The following DMD variants were observed in gnomAD, a reference collection of about 807,000 sequenced individuals.
The protein encoded by DMD is mutant dystrophin.
Under a neutral mutation model 330.1 loss-of-function variants are expected in DMD, and 63 were observed. The observed-to-expected ratio is 0.19, with a 90% CI of 0.16 to 0.24. The LOEUF is 0.24. Ranked by LOEUF, DMD falls within the 10% of genes least tolerant of loss-of-function variation. The pLI is 1.00. For synonymous variants in DMD, 1,223 were observed against 959.8 expected, an observed-to-expected ratio of 1.27 and a Z score of -5.07; for missense variants, 3,344 against 2,684.1, an observed-to-expected ratio of 1.25 and a Z score of -5.43.
chrX:32,844,416 AAAAAAGAAAAGAAAAG>A (rs1437029286), intron 4 of DMD, among the ~76,000 whole-genome samples: 1 of 57,157 alleles, frequency 1.7e-5, no homozygotes, highest in South Asian at 5.2e-4. Context: ...CAAAAAAAAA[AAAAAAGAAAAGAAAAG>A]AAAAGAAAAG....
rs2096370146 is a variant in DMD at position 32,078,637 on chromosome X, C to T, written c.6439-110123G>A. The stretch of plus-strand genomic sequence containing the variant: ...TGTTAACTTGTCTTTACACCAAACA[C>T]TATGCATTAGTGGTACTCCTGCCTA... On this transcript the variant is annotated intron_variant, in intron 44 of 78. Transcript: ENST00000357033. Among the ~76,000 whole-genome samples, 3 of 112,272 alleles carry T rather than the reference C, an allele frequency of 2.7e-5. No homozygotes were observed. The South Asian group carries it at 1.1e-3, about 41-fold the overall frequency.
At chrX:32,047,053 A>C (rs2096069420) in intron 44 of DMD, among the ~76,000 whole-genome samples, 1 of 111,700 alleles carries the variant, frequency 9.0e-6, no homozygotes, top group Admixed American at 9.5e-5. Flanking sequence ...ACAAAATTTC[A>C]AGCAGGAACC....
At chrX:33,137,922 C>T (rs1341733434) in intron 1 of DMD, among the ~76,000 whole-genome samples, 2 of 111,513 alleles carry the variant, frequency 1.8e-5, no homozygotes, top group Non-Finnish European at 3.8e-5. Flanking sequence ...AAAACATCAC[C>T]ACAATGAATA....
chrX:32,953,921 G>T (rs1390890799), intron 2 of DMD, among the ~76,000 whole-genome samples: 1 of 112,104 alleles, frequency 8.9e-6, no homozygotes, highest in Non-Finnish European at 1.9e-5. Flanking sequence ...AGGTGCAGCA[G>T]CAGTTGGCTT....
At chrX:32,629,127 C>T (rs190180266) in intron 11 of DMD, among the ~76,000 whole-genome samples, 9 of 111,330 alleles carry the variant, frequency 8.1e-5, no homozygotes, top group Admixed American at 2.9e-4. Flanking sequence ...TTGAAATCAC[C>T]GGCTATTACT....
At position 32,275,779 on chromosome X, in the gene DMD, A is replaced by G. The variant is rs759136653; in HGVS notation, c.6290+11750T>C. 3.8e-4 allele frequency among the ~76,000 whole-genome samples: 42 copies of G among 111,764 alleles called. 1 individual carries two copies. Among genetic ancestry groups the G allele is most frequent in the Non-Finnish European group, 7.5e-4 (40 of 53,116 alleles). On this transcript the variant is annotated intron_variant, in intron 43 of 78. Coordinates refer to ENST00000357033, the MANE Select transcript of DMD (RefSeq NM_004006.3). ...TTCCCCATAAACCATGGTTTCAACAATTCAAAAAAGTGAGACGGAGTGGTG... is the reference window on the plus strand; with the variant it reads ...TTCCCCATAAACCATGGTTTCAACAGTTCAAAAAAGTGAGACGGAGTGGTG...
chrX:33,299,146 T>C lies in DMD; in HGVS notation c.7+40113A>G, dbSNP rs113447225. On this transcript the variant is annotated intron_variant, in intron 1 of 17. Coordinates refer to the DMD transcript ENST00000288447. ...AATCTTTATAAGCAAGGTCTGCAAA[T>C]TTTTATTCTAATTTTTTTTTCCTGA... 8.4e-3 allele frequency among the ~76,000 whole-genome samples: 940 copies of C among 112,094 alleles called. 7 individuals carry two copies. The highest frequency in any genetic ancestry group is 0.027 in the African/African-American group (849 of 30,938).
chrX:31,646,859 T>G (rs747238385), intron 54 of DMD, among the ~76,000 whole-genome samples: 3 of 112,253 alleles, frequency 2.7e-5, no homozygotes, highest in Non-Finnish European at 5.6e-5. Flanking sequence ...CTGCACTTCT[T>G]CGTCTGTGCA....
At chrX:32,937,215 A>G (rs2090082377) in intron 2 of DMD, among the ~76,000 whole-genome samples, 2 of 110,796 alleles carry the variant, frequency 1.8e-5, no homozygotes, top group South Asian at 3.9e-4. Flanking sequence ...TAGAAATGCA[A>G]GAGAGAACTG....
In DMD at chrX:32,365,219, G is replaced by A; in HGVS notation, c.4846-20C>T. ...AGTAGCCTGTGAAAAGGAGAGCATT[G>A]ACCTTCAAGTAATGTCTTGTAGTCT... On this transcript the variant is annotated intron_variant, in intron 34 of 78. Coordinates refer to ENST00000357033, the MANE Select transcript of DMD (RefSeq NM_004006.3). The A allele has an allele frequency of 8.3e-7, 1 of 1,203,200 alleles. No homozygotes were observed. The highest frequency in any genetic ancestry group is 1.1e-6 in the Non-Finnish European group (1 of 888,761).
intron 60 of DMD, among the ~76,000 whole-genome samples, chrX:31,361,149 G>A (rs1193185178): frequency 1.8e-5 from 2 of 109,418 alleles, no homozygotes; most frequent in African/African-American, 3.5e-5. Flanking sequence ...ACAATGGGGT[G>A]AGTTTGACAG....
rs3044988 is a variant in DMD, at chrX:32,388,341, C to CTTTTTTTTTTTTTTTT, written c.4518+1159_4518+1160insAAAAAAAAAAAAAAAA. Among the ~76,000 whole-genome samples the CTTTTTTTTTTTTTTTT allele has an allele frequency of 6.8e-3, 530 of 78,380 alleles. 31 individuals are homozygous for CTTTTTTTTTTTTTTTT. Among genetic ancestry groups the CTTTTTTTTTTTTTTTT allele is most frequent in the African/African-American group, 0.028 (485 of 17,398 alleles). 68.1% of individuals were successfully genotyped at this position (78,380 alleles called of 115,157 possible). A position where few individuals can be genotyped will look rare whatever the true frequency, so the allele number is the denominator to read the frequency against. ...AGGCACTTGGGTCATTTATGCTTTC[C>CTTTTTTTTTTTTTTTT]TTTTTTTTTTTTTTGGCAAAATTTA... On this transcript the variant is annotated intron_variant, in intron 32 of 78. Transcript: ENST00000357033.
At chrX:32,812,308 A>G (rs2148774061) in intron 6 of DMD, among the ~76,000 whole-genome samples, 1 of 112,261 alleles carries the variant, frequency 8.9e-6, no homozygotes, top group East Asian at 2.8e-4. Context: ...AAAGTTACAA[A>G]GGTAGTTTAG....
At chrX:32,839,335 C>G (rs1034726065) in intron 4 of DMD, among the ~76,000 whole-genome samples, 6 of 111,728 alleles carry the variant, frequency 5.4e-5, no homozygotes, top group Non-Finnish European at 7.5e-5. Context: ...GGTCTCTGCT[C>G]ATATAGGAAC....
chrX:33,217,789 T>C (rs905485001), intron 1 of DMD, among the ~76,000 whole-genome samples: 1 of 111,676 alleles, frequency 9.0e-6, no homozygotes, highest in African/African-American at 3.2e-5. Context: ...TAAGTTGATC[T>C]TGTATCCTAA....
intron 62 of DMD, among the ~76,000 whole-genome samples, chrX:31,276,573 A>G (rs1000233943): frequency 2.7e-5 from 3 of 111,782 alleles, no homozygotes; most frequent in Non-Finnish European, 3.8e-5. Context: ...AGACCCTATA[A>G]CCCAGAAATT....
chrX:32,687,067 G>A (rs2062935584), intron 9 of DMD, among the ~76,000 whole-genome samples: 1 of 112,003 alleles, frequency 8.9e-6, no homozygotes, highest in South Asian at 3.7e-4. Context: ...TTTCCAAATG[G>A]ATTTGAAATT....
intron 2 of DMD, among the ~76,000 whole-genome samples, chrX:32,894,206 C>T (rs762769870): frequency 2.1e-4 from 24 of 111,930 alleles, no homozygotes; most frequent in Non-Finnish European, 3.9e-4. Flanking sequence ...CAAATAAACG[C>T]GTTTGTTCAC....
chrX:32,733,305 T>A (rs1337166469), intron 7 of DMD, among the ~76,000 whole-genome samples: 2 of 109,610 alleles, frequency 1.8e-5, no homozygotes, highest in African/African-American at 3.4e-5. Flanking sequence ...CTCCCACACA[T>A]TAATAATGGG....
Sources: allele counts gnomAD v4.1 joint callset (sites outside exome capture counted in the v4.1 genomes callset), GRCh38; gene constraint gnomAD v4.1.1; transcripts MANE v1.5; gene names NCBI Gene and HGNC (gene_info 2026-07-23, HGNC 2026-07-21).